The following MAP2K5 variants were observed in gnomAD, a reference collection of about 807,000 sequenced individuals.
MAP2K5 encodes the protein dual specificity mitogen-activated protein kinase kinase 5.
A neutral mutation model predicts 83.1 loss-of-function variants in MAP2K5; 49 were observed. That is an observed-to-expected ratio of 0.59 (90% CI 0.47 to 0.75). MAP2K5 has a LOEUF of 0.75. Among genes scored for constraint, MAP2K5 ranks in the 30% least tolerant of loss-of-function variants. The pLI is 0.00. For missense variants in MAP2K5, 457 were observed against 557.5 expected, an observed-to-expected ratio of 0.82 and a Z score of 1.82; for synonymous variants, 202 against 191.8, an observed-to-expected ratio of 1.05 and a Z score of -0.44.
Position 67,724,416 on chromosome 15 carries a change from G to A in MAP2K5, c.1045-3500G>A, listed in dbSNP as rs1441901642. On this transcript the variant is annotated intron_variant, in intron 16 of 21. Coordinates refer to ENST00000178640, the MANE Select transcript of MAP2K5 (RefSeq NM_145160.3). The surrounding 1 kb of genome is among the most constrained non-coding windows in gnomAD (Gnocchi z 4.4). Reference sequence around the variant, plus strand: ...ATTTATTTATTTATTTATTTTTTGAGTTAGGGTCTCACTCTTGCTCAGTCT... The same window carrying A: ...ATTTATTTATTTATTTATTTTTTGAATTAGGGTCTCACTCTTGCTCAGTCT... 6.6e-6 allele frequency among the ~76,000 whole-genome samples: 1 copy of A among 151,692 alleles called. No homozygotes were observed. Among genetic ancestry groups the A allele is most frequent in the Non-Finnish European group, 1.5e-5 (1 of 67,958 alleles).
chr15:67,609,113 A>G (rs1245635366), intron 8 of MAP2K5, among the ~76,000 whole-genome samples: 2 of 152,206 alleles, frequency 1.3e-5, no homozygotes, highest in Non-Finnish European at 1.5e-5. Flanking sequence ...TTTGACCTGG[A>G]CATGAGATGA....
At chr15:67,804,780 G>A (rs1051413484) in intron 21 of MAP2K5, among the ~76,000 whole-genome samples, 8 of 152,216 alleles carry the variant, frequency 5.3e-5, no homozygotes, top group African/African-American at 1.9e-4. Context: ...AGAAGGGCAC[G>A]AGGTCGCCCC....
rs2086624130 is a variant in MAP2K5 at position 67,637,345 on chromosome 15, AT to A, written c.585+6420del. On this transcript the variant is annotated intron_variant, in intron 9 of 21. Transcript: ENST00000178640. This position sits in a 1 kb window ranked among gnomAD's most constrained non-coding sequence, Gnocchi z 4.5. ...TATTTAGTTACTTTTGAATAATTTG[AT>A]TCTTTCAAGGCTTGCTTTTAAGTTT... 6.6e-6 allele frequency among the ~76,000 whole-genome samples: 1 copy of A among 152,252 alleles called. No individual in the cohort carries two copies. The highest frequency in any genetic ancestry group is 2.1e-4 in the South Asian group (1 of 4,824).
chr15:67,583,478 TTTAATA>T (rs567255603), intron 4 of MAP2K5, among the ~76,000 whole-genome samples: 52 of 152,332 alleles, frequency 3.4e-4, no homozygotes, highest in Admixed American at 1.4e-3. Context: ...TCTGTGTTTT[TTTAATA>T]TGCTATGGTG....
intron 16 of MAP2K5, among the ~76,000 whole-genome samples, chr15:67,711,584 T>G (rs931116922): frequency 6.6e-6 from 1 of 152,228 alleles, no homozygotes; most frequent in Non-Finnish European, 1.5e-5. Flanking sequence ...TGGTTAAAGA[T>G]GGTGCAAGCT....
chr15:67,547,019 T>C (rs1459600779), intron 1 of MAP2K5, among the ~76,000 whole-genome samples: 1 of 151,490 alleles, frequency 6.6e-6, no homozygotes, highest in Non-Finnish European at 1.5e-5. Context: ...GAGCTGTGAT[T>C]GCACCACTGC....
At chr15:67,621,805 T>C (rs1477525343) in intron 8 of MAP2K5, among the ~76,000 whole-genome samples, 1 of 151,998 alleles carries the variant, frequency 6.6e-6, no homozygotes, top group Non-Finnish European at 1.5e-5. Flanking sequence ...AAAACGAAAG[T>C]GTGTGTTTTC....
At chr15:67,551,506 A>C (rs575372463) in intron 2 of MAP2K5, among the ~76,000 whole-genome samples, 3 of 151,860 alleles carry the variant, frequency 2.0e-5, no homozygotes, top group African/African-American at 7.2e-5. Context: ...CTAATTTTTA[A>C]ATTTTATGTG....
rs1024043590 is a variant in MAP2K5, at chr15:67,668,332, G to A, written c.847+3687G>A. On this transcript the variant is annotated intron_variant, in intron 13 of 21. Transcript: ENST00000178640. The surrounding 1 kb of genome is among the most constrained non-coding windows in gnomAD (Gnocchi z 4.0). Reference sequence around the variant, plus strand: ...ATCTTTTCTCTAAAATAAACCAAACGTGTGATAATTCCACATGAGGACATA... The same window carrying A: ...ATCTTTTCTCTAAAATAAACCAAACATGTGATAATTCCACATGAGGACATA... Among the ~76,000 whole-genome samples, 1 of 152,046 alleles carries A rather than the reference G, an allele frequency of 6.6e-6. No homozygotes were observed. Among genetic ancestry groups the A allele is most frequent in the African/African-American group, 2.4e-5 (1 of 41,390 alleles).
intron 11 of MAP2K5, 78 bp from the exon 12 acceptor site, chr15:67,658,475 C>A: frequency 9.0e-7 from 1 of 1,113,842 alleles, no homozygotes; most frequent in Non-Finnish European, 1.4e-6. Context: ...TGTATTCTCA[C>A]AGTGAACACA....
At chr15:67,604,096 A>G (rs943482844) in intron 8 of MAP2K5, among the ~76,000 whole-genome samples, 7 of 150,842 alleles carry the variant, frequency 4.6e-5, no homozygotes, top group African/African-American at 1.7e-4. Flanking sequence ...AAGTGTAGAT[A>G]TCCTTCACAG....
rs1359925634 is a variant in MAP2K5 at position 67,738,248 on chromosome 15, C to T, written c.1075-9983C>T. Among the ~76,000 whole-genome samples the T allele has an allele frequency of 1.3e-5, 2 of 152,176 alleles. No homozygotes were observed. Among genetic ancestry groups the T allele is most frequent in the Non-Finnish European group, 2.9e-5 (2 of 68,026 alleles). Reference sequence around the variant, plus strand: ...AGCTTGTCTTGTTTTGTTTTCTGTTCAGAAACAAGTTGCAGAGAGCACTCT... The same window carrying T: ...AGCTTGTCTTGTTTTGTTTTCTGTTTAGAAACAAGTTGCAGAGAGCACTCT... On this transcript the variant is annotated intron_variant, in intron 17 of 21. Transcript: ENST00000178640. The surrounding 1 kb of genome is among the most constrained non-coding windows in gnomAD (Gnocchi z 4.1).
At position 67,655,510 on chromosome 15, in the gene MAP2K5, A is replaced by G. The variant is rs528457612; in HGVS notation, c.737-3043A>G. Among the ~76,000 whole-genome samples the G allele has an allele frequency of 1.6e-3, 169 of 107,320 alleles. 1 individual carries two copies. Among genetic ancestry groups the G allele is most frequent in the African/African-American group, 5.8e-3 (165 of 28,620 alleles). The allele number at this position is 107,320 out of a possible 152,430, so 70.4% of individuals were successfully genotyped here. On this transcript the variant is annotated intron_variant, in intron 11 of 21. Coordinates refer to ENST00000178640, the MANE Select transcript of MAP2K5 (RefSeq NM_145160.3). ...GCTGGATATAGAATTTTTGGTTTAT[A>G]ATCTTTTTCTTTCATGTTCAAATGT...
chr15:67,787,169 C>G (rs560275414), intron 21 of MAP2K5, among the ~76,000 whole-genome samples: 3 of 152,182 alleles, frequency 2.0e-5, no homozygotes, highest in Non-Finnish European at 4.4e-5. Flanking sequence ...TCCGCCTGCC[C>G]CTGGTGGGCC....
rs977702395 is a variant in MAP2K5, at chr15:67,749,860, T to C, written c.1134+1259T>C. On this transcript the variant is annotated intron_variant, in intron 19 of 21. Transcript: ENST00000178640. This position sits in a 1 kb window ranked among gnomAD's most constrained non-coding sequence, Gnocchi z 4.6. Reference sequence around the variant, plus strand: ...TTAACTGGTTTTCCTGAGGTCCCCCTCCAGTTTTGCTTGAGGAAGTGTCTG... The same window carrying C: ...TTAACTGGTTTTCCTGAGGTCCCCCCCCAGTTTTGCTTGAGGAAGTGTCTG... 3.3e-5 allele frequency among the ~76,000 whole-genome samples: 5 copies of C among 152,166 alleles called. No homozygotes were observed. Among genetic ancestry groups the C allele is most frequent in the Non-Finnish European group, 5.9e-5 (4 of 68,016 alleles).
chr15:67,622,265 G>T (rs2086203666), intron 8 of MAP2K5, among the ~76,000 whole-genome samples: 1 of 152,122 alleles, frequency 6.6e-6, no homozygotes, highest in Non-Finnish European at 1.5e-5. Flanking sequence ...AGCAAACCAG[G>T]TATATATTGG....
rs193060193 is a variant in MAP2K5, at chr15:67,779,818, G to A, written c.1242+7066G>A. On this transcript the variant is annotated intron_variant, in intron 21 of 21. Transcript: ENST00000178640. The surrounding 1 kb of genome is among the most constrained non-coding windows in gnomAD (Gnocchi z 4.6). Reference sequence around the variant, plus strand: ...GAAGAGTTTGGTTATCTTGGATGCAGTAAAGTGGATCAGTTGGGCTGCTCT... The same window carrying A: ...GAAGAGTTTGGTTATCTTGGATGCAATAAAGTGGATCAGTTGGGCTGCTCT... Among the ~76,000 whole-genome samples, 2 of 152,360 alleles carry A rather than the reference G, an allele frequency of 1.3e-5. No individual in the cohort carries two copies. Among genetic ancestry groups the A allele is most frequent in the Non-Finnish European group, 2.9e-5 (2 of 68,036 alleles).
chr15:67,613,152 TAATTAG>T (rs2085970169), intron 8 of MAP2K5, among the ~76,000 whole-genome samples: 1 of 152,192 alleles, frequency 6.6e-6, no homozygotes, highest in African/African-American at 2.4e-5. Context: ...TATGGCAGTT[TAATTAG>T]AAGCTGGATG....
In MAP2K5 at chr15:67,638,269, G is replaced by A. The variant is rs1279796330; in HGVS notation, c.585+7342G>A. ...CACAGTGTGTGGTGTTTCCCTCTAT[G>A]TGTCCATGTGTTCTCATAAGTTAGC... On this transcript the variant is annotated intron_variant, in intron 9 of 21. Coordinates refer to ENST00000178640, the MANE Select transcript of MAP2K5 (RefSeq NM_145160.3). The surrounding 1 kb of genome is among the most constrained non-coding windows in gnomAD (Gnocchi z 4.5). Among the ~76,000 whole-genome samples, 3 of 152,050 alleles carry A rather than the reference G, an allele frequency of 2.0e-5. No individual in the cohort carries two copies. Among genetic ancestry groups the A allele is most frequent in the African/African-American group, 7.3e-5 (3 of 41,370 alleles).
Sources: allele counts gnomAD v4.1 joint callset (sites outside exome capture counted in the v4.1 genomes callset), GRCh38; gene constraint gnomAD v4.1.1; non-coding constraint Gnocchi (gnomAD v3.1); transcripts MANE v1.5; gene names NCBI Gene and HGNC (gene_info 2026-07-23, HGNC 2026-07-21).